ZBTB8OS: variants seen among roughly 807,000 people sequenced by gnomAD.
ZBTB8OS encodes the protein tRNA-splicing ligase-activating factor archease.
In ZBTB8OS, 16 loss-of-function variants were observed where a neutral mutation model predicts 29.3. That is an observed-to-expected ratio of 0.55 (90% CI 0.37 to 0.83). The LOEUF (loss-of-function observed/expected upper bound fraction) is 0.83, where lower values mean the gene tolerates loss of function less well. Among genes scored for constraint, ZBTB8OS ranks in the 40% least tolerant of loss-of-function variants. The pLI is 0.00. For missense variants in ZBTB8OS, 160 were observed against 196.9 expected, an observed-to-expected ratio of 0.81 and a Z score of 1.12; for synonymous variants, 70 against 64.6, an observed-to-expected ratio of 1.08 and a Z score of -0.40.
intron 6 of ZBTB8OS, among the ~76,000 whole-genome samples, chr1:32,626,641 C>T (rs1645153650): frequency 6.6e-6 from 1 of 152,140 alleles, no homozygotes; most frequent in Non-Finnish European, 1.5e-5. Context: ...CTCTGCCACC[C>T]AGGTTAAAGT....
At chr1:32,628,457 T>C (rs767878636) in intron 5 of ZBTB8OS, among the ~76,000 whole-genome samples, 1 of 150,294 alleles carries the variant, frequency 6.7e-6, no homozygotes, top group Non-Finnish European at 1.5e-5. Flanking sequence ...GCCAACATGA[T>C]GAAACTCTGT....
chr1:32,634,855 A>G (rs1645836197), intron 1 of ZBTB8OS, 63 bp from the exon 2 acceptor site: 2 of 1,076,758 alleles, frequency 1.9e-6, no homozygotes, highest in Admixed American at 3.4e-5. Context: ...CACACACACA[A>G]AATAACTCTA....
At chr1:32,623,772 TCTTC>T (rs1348110784) in intron 6 of ZBTB8OS, among the ~76,000 whole-genome samples, 1 of 152,222 alleles carries the variant, frequency 6.6e-6, no homozygotes, top group African/African-American at 2.4e-5. Context: ...CCTAGAAAGT[TCTTC>T]CTTATTTCTG....
chr1:32,631,703 G>T, intron 5 of ZBTB8OS, 124 bp downstream of exon 5: 1 of 673,268 alleles, frequency 1.5e-6, no homozygotes, highest in Non-Finnish European at 2.5e-6. Context: ...CAAGCCCTTA[G>T]ACATCCCACA....
intron 1 of ZBTB8OS, among the ~76,000 whole-genome samples, chr1:32,638,083 T>C (rs186806135): frequency 6.6e-6 from 1 of 151,984 alleles, no homozygotes; most frequent in Non-Finnish European, 1.5e-5. Context: ...GTGAACCACC[T>C]ACACTGGCTT....
In ZBTB8OS at chr1:32,621,728, TTAAC is replaced by T; in HGVS notation, c.*130_*133del. On this transcript the variant is annotated 3_prime_UTR_variant, in exon 7 of 7. Coordinates refer to ENST00000468695, the MANE Select transcript of ZBTB8OS (RefSeq NM_178547.5). Reference sequence around the variant, plus strand: ...ATTTTCCCTTTCTGAAAGTCACACTTTAACTAAAATATTTCTGTTCTACAAATTT... The same window carrying T: ...ATTTTCCCTTTCTGAAAGTCACACTTTAAAATATTTCTGTTCTACAAATTT... The T allele has an allele frequency of 1.5e-6, 1 of 686,392 alleles. No individual in the cohort carries two copies. Among genetic ancestry groups the T allele is most frequent in the Admixed American group, 3.3e-5 (1 of 30,398 alleles). The allele number at this position is 686,392 out of a possible 1,614,324, so 42.5% of individuals were successfully genotyped here. A position where few individuals can be genotyped will look rare whatever the true frequency, so the allele number is the denominator to read the frequency against.
At chr1:32,649,112 C>T (rs769517066) in intron 1 of ZBTB8OS, among the ~76,000 whole-genome samples, 2 of 151,494 alleles carry the variant, frequency 1.3e-5, no homozygotes, top group Non-Finnish European at 1.5e-5. Flanking sequence ...GGATTACAGG[C>T]GCCCACCATC....
intron 6 of ZBTB8OS, among the ~76,000 whole-genome samples, chr1:32,624,434 A>G (rs1307581739): frequency 6.6e-6 from 1 of 152,200 alleles, no homozygotes; most frequent in Non-Finnish European, 1.5e-5. Flanking sequence ...GAGGCACTTG[A>G]TAAGTATTTG....
At chr1:32,632,040 C>T (rs1645605247) in intron 4 of ZBTB8OS, 161 bp from the exon 5 acceptor site, 4 of 341,256 alleles carry the variant, frequency 1.2e-5, no homozygotes, top group South Asian at 3.1e-5. Flanking sequence ...CTTACTCCAT[C>T]GCCCAGGCTG....
Position 32,624,456 on chromosome 1 carries a change from C to A in ZBTB8OS, c.418-2508G>T, listed in dbSNP as rs183071274. 2.3e-3 allele frequency among the ~76,000 whole-genome samples: 347 copies of A among 152,234 alleles called. 2 individuals are homozygous for A. Among genetic ancestry groups the A allele is most frequent in the African/African-American group, 8.0e-3 (331 of 41,532 alleles). ...TTGATAAGTATTTGCTGAATGCATG[C>A]ATAAATTCATGGATGGATGGCATAT... On this transcript the variant is annotated intron_variant, in intron 6 of 6. Transcript: ENST00000468695.
intron 1 of ZBTB8OS, among the ~76,000 whole-genome samples, chr1:32,641,958 C>T (rs1646444097): frequency 6.6e-6 from 1 of 151,952 alleles, no homozygotes; most frequent in African/African-American, 2.4e-5. Context: ...AACCTTTGTA[C>T]ATACTTCCAA....
intron 1 of ZBTB8OS, among the ~76,000 whole-genome samples, chr1:32,646,984 G>A (rs1406329132): frequency 1.4e-5 from 2 of 138,752 alleles, no homozygotes; most frequent in African/African-American, 5.3e-5. Context: ...GGAGGTTGCT[G>A]TGAGCTGAGA....
chr1:32,647,041 C>CAAAA (rs71006347), intron 1 of ZBTB8OS, among the ~76,000 whole-genome samples: 15,071 of 39,266 alleles, frequency 0.38, 5,974 homozygotes, highest in Non-Finnish European at 0.48. Context: ...GATACTGTCT[C>CAAAA]AAAAAAAAAA....
intron 1 of ZBTB8OS, among the ~76,000 whole-genome samples, chr1:32,648,697 C>T (rs189599175): frequency 5.9e-5 from 9 of 152,194 alleles, no homozygotes; most frequent in East Asian, 1.9e-4. Context: ...CTGGCTCTGT[C>T]GCCCAGGCTG....
upstream of ZBTB8OS, chr1:32,650,668 T>A: frequency 6.6e-7 from 1 of 1,508,686 alleles, no homozygotes; most frequent in Non-Finnish European, 9.0e-7. Flanking sequence ...GCTGTTGACC[T>A]ACTTTAGTCC....
At chr1:32,633,090 C>T (rs1645696780) in intron 4 of ZBTB8OS, among the ~76,000 whole-genome samples, 1 of 152,178 alleles carries the variant, frequency 6.6e-6, no homozygotes. Flanking sequence ...CTCCATTTGG[C>T]TTTTCCTTTT....
intron 1 of ZBTB8OS, 23 bp downstream of exon 1, chr1:32,650,410 A>T: frequency 1.2e-6 from 2 of 1,614,002 alleles, no homozygotes; most frequent in South Asian, 1.1e-5. Flanking sequence ...ACATGTAAAG[A>T]GAGAAGTAAG....
At chr1:32,629,749 CTTTTT>C (rs869185319) in intron 5 of ZBTB8OS, among the ~76,000 whole-genome samples, 8 of 114,130 alleles carry the variant, frequency 7.0e-5, no homozygotes, top group Admixed American at 2.7e-4. Context: ...ATGCTTGTTT[CTTTTT>C]TTTTTTTTTT....
chr1:32,624,201 G>C (rs1287970728), intron 6 of ZBTB8OS, among the ~76,000 whole-genome samples: 1 of 152,146 alleles, frequency 6.6e-6, no homozygotes. Flanking sequence ...TCAGCAGCGT[G>C]AGAATGGGTT....
Sources: allele counts gnomAD v4.1 joint callset (sites outside exome capture counted in the v4.1 genomes callset), GRCh38; gene constraint gnomAD v4.1.1; transcripts MANE v1.5; gene names NCBI Gene and HGNC (gene_info 2026-07-23, HGNC 2026-07-21).